Variants in SNX29 observed in about 807,000 individuals in gnomAD.
The protein encoded by SNX29 is sorting nexin 29.
A neutral mutation model predicts 102.1 loss-of-function variants in SNX29; 78 were observed. The observed-to-expected ratio is 0.76, with a 90% CI of 0.64 to 0.92. The LOEUF (loss-of-function observed/expected upper bound fraction) is 0.92, where lower values mean the gene tolerates loss of function less well. Among genes scored for constraint, SNX29 ranks in the 40% least tolerant of loss-of-function variants. The pLI is 0.00. For synonymous variants in SNX29, 580 were observed against 414.5 expected (o/e 1.40, Z -4.85); for missense variants, 1,280 against 1,061.7 (o/e 1.21, Z -2.86).
intron 7 of SNX29, among the ~76,000 whole-genome samples, chr16:12,049,256 A>C (rs1423866020): frequency 6.6e-6 from 1 of 151,786 alleles, no homozygotes; most frequent in African/African-American, 2.4e-5. Flanking sequence ...TGGGAGGCCG[A>C]GGCAGGAGGA....
intron 13 of SNX29, among the ~76,000 whole-genome samples, chr16:12,179,199 G>C (rs1596444015): frequency 6.6e-6 from 1 of 152,200 alleles, no homozygotes. Flanking sequence ...ATATTGGCTT[G>C]TGAGGGCCGG....
chr16:12,379,567 T>G (rs923635964), intron 16 of SNX29, among the ~76,000 whole-genome samples: 8 of 152,156 alleles, frequency 5.3e-5, no homozygotes, highest in Non-Finnish European at 1.0e-4. Context: ...AAACATCTTC[T>G]CAAAGAGTCA....
Position 12,573,450 on chromosome 16 carries a change from A to G in SNX29, c.*4821A>G, listed in dbSNP as rs564776531. On this transcript the variant is annotated 3_prime_UTR_variant, in exon 21 of 21. Coordinates refer to ENST00000566228, the MANE Select transcript of SNX29 (RefSeq NM_032167.5). ...CTTCCTTAATAAGATAGTTGAGCCT[A>G]TGACATTAAGGAGCAGCGCTGCTGG... is the stretch of plus-strand genomic sequence containing the variant. 4.7e-4 allele frequency: 106 copies of G among 223,616 alleles called. 1 individual carries two copies. Among genetic ancestry groups the G allele is most frequent in the African/African-American group, 2.1e-3 (95 of 44,954 alleles). 13.9% of individuals were successfully genotyped at this position (223,616 alleles called of 1,614,324 possible). A position where few individuals can be genotyped will look rare whatever the true frequency, so the allele number is the denominator to read the frequency against.
intron 15 of SNX29, among the ~76,000 whole-genome samples, chr16:12,337,546 T>C (rs994668083): frequency 6.6e-6 from 1 of 152,112 alleles, no homozygotes; most frequent in Non-Finnish European, 1.5e-5. Context: ...TTTGCCATAT[T>C]GTCCAGGCTG....
At chr16:12,554,406 C>T (rs767789159) in intron 20 of SNX29, among the ~76,000 whole-genome samples, 59 of 152,300 alleles carry the variant, frequency 3.9e-4, no homozygotes, top group African/African-American at 4.8e-5. Flanking sequence ...TGTGCATCGT[C>T]TTCTGTAATG....
intron 14 of SNX29, among the ~76,000 whole-genome samples, chr16:12,263,309 G>A (rs1442766586): frequency 2.0e-5 from 3 of 152,156 alleles, no homozygotes; most frequent in Non-Finnish European, 2.9e-5. Context: ...TATATTTTTA[G>A]TAGAGACGGG....
At chr16:12,494,938 C>T (rs1023474699) in intron 19 of SNX29, among the ~76,000 whole-genome samples, 2 of 152,182 alleles carry the variant, frequency 1.3e-5, no homozygotes, top group African/African-American at 4.8e-5. Flanking sequence ...AACTGCATGC[C>T]AGGCAGGGTG....
intron 3 of SNX29, among the ~76,000 whole-genome samples, chr16:12,006,515 A>AG (rs1286489477): frequency 2.7e-5 from 4 of 148,452 alleles, no homozygotes; most frequent in East Asian, 2.0e-4. Context: ...ATACTGTCTC[A>AG]GAAAAAAAAA....
At chr16:12,119,445 GGGTTTTTC>G (rs1360675821) in intron 11 of SNX29, among the ~76,000 whole-genome samples, 1 of 152,166 alleles carries the variant, frequency 6.6e-6, no homozygotes, top group Non-Finnish European at 1.5e-5. Context: ...ATTTTGCAAG[GGGTTTTTC>G]TTCTGTACCT....
chr16:12,335,796 A>G (rs2081429753), intron 15 of SNX29, among the ~76,000 whole-genome samples: 1 of 152,202 alleles, frequency 6.6e-6, no homozygotes, highest in Non-Finnish European at 1.5e-5. Flanking sequence ...AATTTTTCAC[A>G]ATAACTCAGT....
At chr16:12,421,860 ACCATCACCAGCCGT>A (rs1309628225) in intron 18 of SNX29, among the ~76,000 whole-genome samples, 1 of 147,932 alleles carries the variant, frequency 6.8e-6, no homozygotes, top group Non-Finnish European at 1.5e-5. Context: ...GCCATCCATC[ACCATCACCAGCCGT>A]CCATCACCAT....
At chr16:12,469,793 C>G (rs960625302) in intron 18 of SNX29, among the ~76,000 whole-genome samples, 2 of 152,248 alleles carry the variant, frequency 1.3e-5, no homozygotes, top group Non-Finnish European at 1.5e-5. Context: ...GGTGGATCAC[C>G]TGAGGTCAGG....
chr16:12,237,600 C>T (rs1273136265), intron 14 of SNX29, among the ~76,000 whole-genome samples: 1 of 151,904 alleles, frequency 6.6e-6, no homozygotes, highest in Admixed American at 6.5e-5. Context: ...GTGAAACCCC[C>T]GTCTCTACTA....
intron 20 of SNX29, among the ~76,000 whole-genome samples, chr16:12,536,697 G>A (rs2077093174): frequency 6.6e-6 from 1 of 152,178 alleles, no homozygotes; most frequent in African/African-American, 2.4e-5. Context: ...TGTTCAGGGG[G>A]CTGGACGTGG....
intron 16 of SNX29, among the ~76,000 whole-genome samples, chr16:12,381,864 T>A (rs2083177427): frequency 7.2e-6 from 1 of 139,786 alleles, no homozygotes; most frequent in South Asian, 2.4e-4. Flanking sequence ...ACTCACCCAC[T>A]CACCCATCAT....
At chr16:12,459,145 C>A (rs1236813110) in intron 18 of SNX29, among the ~76,000 whole-genome samples, 1 of 143,838 alleles carries the variant, frequency 7.0e-6, no homozygotes, top group South Asian at 2.3e-4. Flanking sequence ...CCCCTCCTCC[C>A]CCTCTCCACT....
chr16:12,098,993 G>A lies in SNX29; in HGVS notation c.1402+20078G>A, dbSNP rs1307565438. Among the ~76,000 whole-genome samples the A allele has an allele frequency of 6.6e-6, 1 of 152,154 alleles. No homozygotes were observed. The highest frequency in any genetic ancestry group is 1.5e-5 in the Non-Finnish European group (1 of 68,026). Reference sequence around the variant, plus strand: ...GAGAGTACGGGACAGAAAGAGTGAGGGTGGGAACTGGGGAGTGGGGACCTA... The same window carrying A: ...GAGAGTACGGGACAGAAAGAGTGAGAGTGGGAACTGGGGAGTGGGGACCTA... On this transcript the variant is annotated intron_variant, in intron 11 of 20. Transcript: ENST00000566228. The surrounding 1 kb of genome is among the most constrained non-coding windows in gnomAD (Gnocchi z 6.0).
chr16:12,369,278 G>C (rs1204737214), intron 16 of SNX29, among the ~76,000 whole-genome samples: 1 of 151,998 alleles, frequency 6.6e-6, no homozygotes, highest in Non-Finnish European at 1.5e-5. Context: ...TGGGATTACA[G>C]GTGTGTGCCA....
chr16:12,249,829 C>G (rs1158118187), intron 14 of SNX29, among the ~76,000 whole-genome samples: 1 of 152,178 alleles, frequency 6.6e-6, no homozygotes, highest in African/African-American at 2.4e-5. Flanking sequence ...CTGAGCTGTC[C>G]CGGCCCCATT....
Sources: gnomAD v4.1 joint callset for allele counts (sites outside exome capture counted in the v4.1 genomes callset) on GRCh38, gnomAD v4.1.1 for gene constraint, Gnocchi (gnomAD v3.1) non-coding constraint, MANE v1.5 for transcripts, NCBI Gene and HGNC (gene_info 2026-07-23, HGNC 2026-07-21) for gene names.